ZP3: variants seen among roughly 807,000 people sequenced by gnomAD.
ZP3 encodes the protein zona pellucida sperm-binding protein 3.
Under a neutral mutation model 35.6 loss-of-function variants are expected in ZP3, and 21 were observed. That is an observed-to-expected ratio of 0.59 (90% CI 0.42 to 0.85). The LOEUF (loss-of-function observed/expected upper bound fraction) is 0.85, where lower values mean the gene tolerates loss of function less well. Ranked by LOEUF, ZP3 falls within the 40% of genes least tolerant of loss-of-function variation. The probability of loss-of-function intolerance (pLI) is 0.00; values close to 1 mark genes in which losing one functional copy is unlikely to be tolerated. For synonymous variants in ZP3, 207 were observed against 214.5 expected (o/e 0.96, Z 0.31); for missense variants, 437 against 536.5 (o/e 0.81, Z 1.83).
In ZP3 at chr7:76,438,682, G is replaced by A. The variant is rs1170656827; in HGVS notation, c.832-1568G>A. On this transcript the variant is annotated intron_variant, in intron 5 of 7. Transcript: ENST00000394857. ...ACTTGTCTAACGAGGGTGGGTAAAC[G>A]TTTCCCAGAGGCCAGGACTGTCAGG... Among the ~76,000 whole-genome samples, 21 of 146,382 alleles carry A rather than the reference G, an allele frequency of 1.4e-4. No individual in the cohort carries two copies. The South Asian group carries it at 2.4e-3, about 17-fold the overall frequency.
intron 2 of ZP3, among the ~76,000 whole-genome samples, chr7:76,430,788 CAT>C (rs766932226): frequency 6.6e-6 from 1 of 152,124 alleles, no homozygotes; most frequent in Non-Finnish European, 1.5e-5. Context: ...GTCAGGACAT[CAT>C]GAGGGATGAG....
intron 5 of ZP3, among the ~76,000 whole-genome samples, chr7:76,435,033 C>T (rs1301677234): frequency 8.2e-5 from 12 of 146,816 alleles, no homozygotes; most frequent in Admixed American, 1.4e-4. Context: ...AACATCTAGC[C>T]GGGAAGTACT....
chr7:76,429,414 T>G, intron 1 of ZP3, 101 bp from the exon 2 acceptor site: 1 of 1,112,400 alleles, frequency 9.0e-7, no homozygotes, highest in Non-Finnish European at 1.4e-6. Context: ...CTGTGGTCTT[T>G]CTGTCCCCTT....
chr7:76,421,954 C>G (rs574027483), upstream of ZP3, among the ~76,000 whole-genome samples: 1 of 151,690 alleles, frequency 6.6e-6, no homozygotes. Context: ...TGGAGTACAG[C>G]GGCGTGATCT....
chr7:76,417,648 G>A (rs755810117), intron 1 of ZP3, among the ~76,000 whole-genome samples: 1 of 141,912 alleles, frequency 7.0e-6, no homozygotes, highest in Non-Finnish European at 1.5e-5. Flanking sequence ...TCTCACTCTT[G>A]TCTCCCTGGC....
chr7:76,401,126 C>G (rs1804812983), intron 1 of ZP3: 1 of 1,444,508 alleles, frequency 6.9e-7, no homozygotes, highest in Non-Finnish European at 9.2e-7. Flanking sequence ...CCAACTCCCA[C>G]AGTCCTCAAC....
chr7:76,424,845 C>G, upstream of ZP3: 3 of 954,776 alleles, frequency 3.1e-6, no homozygotes, highest in Non-Finnish European at 4.5e-6. Context: ...CTTTATGCAA[C>G]AAGGGCCCAG....
At chr7:76,401,631 G>A (rs1804832807) in intron 1 of ZP3, among the ~76,000 whole-genome samples, 1 of 152,156 alleles carries the variant, frequency 6.6e-6, no homozygotes, top group African/African-American at 2.4e-5. Context: ...TGGCCAGGCT[G>A]GTCTTGAACT....
In ZP3 at chr7:76,425,108, G is replaced by C. The variant is rs753102108; in HGVS notation, c.144G>C (p.Glu48Asp). Residue 48 changes from glutamate to aspartate, a missense_variant, in exon 1 of 8, where the codon GAG (glutamate) becomes GAC (aspartate). Coordinates refer to ENST00000394857, the MANE Select transcript of ZP3 (RefSeq NM_001110354.2). ...SVQPVLVECQ[E>D]ATLMVMVSKD... Reference sequence around the variant, plus strand: ...AGCCCGTACTGGTGGAGTGTCAGGAGGCCACTCTGATGGTCATGGTCAGCA... The same window carrying C: ...AGCCCGTACTGGTGGAGTGTCAGGACGCCACTCTGATGGTCATGGTCAGCA... 1.4e-5 allele frequency: 23 copies of C among 1,613,844 alleles called. No individual in the cohort carries two copies. The South Asian group carries it at 2.4e-4, about 17-fold the overall frequency.
At chr7:76,397,714 A>G (rs752540133) in exon 1 of ZP3, 1 of 1,613,394 alleles carries the variant, frequency 6.2e-7, no homozygotes, top group Non-Finnish European at 8.5e-7. Context: ...GACAGACCAC[A>G]GCGGCATCCG....
At chr7:76,407,247 C>T (rs1273381750) in intron 1 of ZP3, among the ~76,000 whole-genome samples, 13 of 152,184 alleles carry the variant, frequency 8.5e-5, no homozygotes, top group Admixed American at 8.5e-4. Context: ...AGGTGTGAGC[C>T]ACCAGGCTTG....
chr7:76,441,451 C>T (rs893221941), intron 7 of ZP3, among the ~76,000 whole-genome samples: 3 of 151,898 alleles, frequency 2.0e-5, no homozygotes, highest in African/African-American at 4.8e-5. Context: ...AGCAATGGCA[C>T]GATCTCTGCT....
At chr7:76,416,855 CATAT>C (rs1377305806) in intron 1 of ZP3, among the ~76,000 whole-genome samples, 2 of 148,446 alleles carry the variant, frequency 1.3e-5, no homozygotes, top group Non-Finnish European at 3.0e-5. Flanking sequence ...TACACACATA[CATAT>C]ATATACACAC....
chr7:76,428,174 A>G (rs1246567269), intron 1 of ZP3, among the ~76,000 whole-genome samples: 1 of 147,588 alleles, frequency 6.8e-6, no homozygotes, highest in Non-Finnish European at 1.5e-5. Context: ...TAAAAAAAAA[A>G]AAAAAAGGCA....
intron 1 of ZP3, among the ~76,000 whole-genome samples, chr7:76,410,650 T>C (rs1434863511): frequency 6.6e-6 from 1 of 151,982 alleles, no homozygotes; most frequent in Non-Finnish European, 1.5e-5. Context: ...CGGCAGGACT[T>C]AATTTCCTGA....
chr7:76,423,025 G>GAGAGAAAGAAGGAA (rs1278384225), upstream of ZP3, among the ~76,000 whole-genome samples: 3 of 75,806 alleles, frequency 4.0e-5, 1 homozygote, highest in African/African-American at 1.5e-4. Flanking sequence ...GAGAGAGAGA[G>GAGAGAAAGAAGGAA]AGAAAGAAAG....
Position 76,427,094 on chromosome 7 carries a change from C to T in ZP3, c.312+1818C>T, listed in dbSNP as rs200051530. On this transcript the variant is annotated intron_variant, in intron 1 of 7. Transcript: ENST00000394857. ...TGGAGCTTCTAAAAATCCTGATGTC[C>T]AGGCTGCTAAAATAGAAAGGATGTG... Among the ~76,000 whole-genome samples, 28 of 152,128 alleles carry T rather than the reference C, an allele frequency of 1.8e-4. No individual in the cohort carries two copies. The East Asian group carries it at 2.5e-3, about 14-fold the overall frequency.
At chr7:76,397,691 C>T in exon 1 of ZP3, 1 of 1,613,452 alleles carries the variant, frequency 6.2e-7, no homozygotes. Flanking sequence ...GGCCGCCCCG[C>T]AGCCCAGCTG....
chr7:76,428,146 C>T (rs1412853549), intron 1 of ZP3, among the ~76,000 whole-genome samples: 2 of 142,418 alleles, frequency 1.4e-5, no homozygotes, highest in East Asian at 2.0e-4. Flanking sequence ...GCTAACATGG[C>T]GAAACCCTGT....
Sources: allele counts gnomAD v4.1 joint callset (sites outside exome capture counted in the v4.1 genomes callset), GRCh38; gene constraint gnomAD v4.1.1; transcripts MANE v1.5; gene names NCBI Gene and HGNC (gene_info 2026-07-23, HGNC 2026-07-21).